The following MET variants were observed in gnomAD, a reference collection of about 807,000 sequenced individuals.
MET encodes the protein hepatocyte growth factor receptor.
MET carries 48 observed loss-of-function variants against 133.1 expected under a neutral mutation model. That is an observed-to-expected ratio of 0.36 (90% CI 0.29 to 0.46). The LOEUF (loss-of-function observed/expected upper bound fraction) is 0.46. Ranked by LOEUF, MET falls within the 20% of genes least tolerant of loss-of-function variation. The pLI, the probability that MET is intolerant of heterozygous loss-of-function variation, is 1.00. For synonymous variants in MET, 628 were observed against 616.5 expected (o/e 1.02, Z -0.28); for missense variants, 1,442 against 1,695.9 (o/e 0.85, Z 2.63).
intron 10 of MET, 110 bp from the exon 11 acceptor site, chr7:116,762,940 T>G: frequency 2.1e-6 from 2 of 953,076 alleles, no homozygotes; most frequent in Non-Finnish European, 3.3e-6. Context: ...AAATACAGAT[T>G]TTTTCAAAAA....
intron 11 of MET, among the ~76,000 whole-genome samples, chr7:116,766,326 G>A (rs1794626776): frequency 6.6e-6 from 1 of 152,156 alleles, no homozygotes; most frequent in Non-Finnish European, 1.5e-5. Flanking sequence ...GGTCAAACAG[G>A]AAAAAGAAGC....
intron 9 of MET, 84 bp from the exon 10 acceptor site, chr7:116,759,307 A>G (rs760953555): frequency 6.4e-7 from 1 of 1,558,240 alleles, no homozygotes; most frequent in Non-Finnish European, 8.7e-7. Flanking sequence ...TAATCAGTGC[A>G]GGTGATTAAA....
In MET at chr7:116,770,564, G is replaced by A. The variant is rs550630963; in HGVS notation, c.2730+773G>A. On this transcript the variant is annotated intron_variant, in intron 12 of 20. Transcript: ENST00000397752. ...CAAACAGATACTCTATAACCAATAA[G>A]CAGCAGCTCCACATACCCTTCTCTC... 8.5e-4 allele frequency among the ~76,000 whole-genome samples: 130 copies of A among 152,090 alleles called. 1 individual carries two copies. Among genetic ancestry groups the A allele is most frequent in the Non-Finnish European group, 8.5e-4 (58 of 67,976 alleles).
intron 2 of MET, among the ~76,000 whole-genome samples, chr7:116,722,264 T>C (rs1792522966): frequency 6.6e-6 from 1 of 150,764 alleles, no homozygotes; most frequent in East Asian, 1.9e-4. Flanking sequence ...TTGATCTTTG[T>C]TGGTTTAAAG....
rs753009009 is a variant in MET at position 116,740,095 on chromosome 7, C to T, written c.1527+11C>T. The T allele has an allele frequency of 1.9e-6, 3 of 1,613,882 alleles. No individual in the cohort carries two copies. The highest frequency in any genetic ancestry group is 1.7e-6 in the Non-Finnish European group (2 of 1,179,844). ...ATCACTGGGAAGAAGGTAAGCTGTT[C>T]CCACAGGGAATTTCCATAGACGTGG... On this transcript the variant is annotated intron_variant, in intron 4 of 20. Coordinates refer to ENST00000397752, the MANE Select transcript of MET (RefSeq NM_000245.4).
Position 116,699,717 on chromosome 7 carries a change from G to A in MET, c.633G>A (p.Leu211=), listed in dbSNP as rs552870344. Reference sequence around the variant, plus strand: ...CTTCTTATTTCCCAGATCATCCATTGCATTCGATATCAGTGAGAAGGCTAA... The same window carrying A: ...CTTCTTATTTCCCAGATCATCCATTACATTCGATATCAGTGAGAAGGCTAA... ...INSSYFPDHP[L]HSISVRRLKE... is the part of the protein sequence containing the mutation. The change falls in exon 2 of 21, where the codon TTG becomes TTA. Residue 211 remains leucine, a synonymous_variant. Coordinates refer to ENST00000397752, the MANE Select transcript of MET (RefSeq NM_000245.4). The A allele has an allele frequency of 2.2e-5, 35 of 1,614,028 alleles. No homozygotes were observed. The South Asian group carries it at 3.4e-4, about 16-fold the overall frequency.
chr7:116,701,128 A>G (rs951676513), intron 2 of MET, among the ~76,000 whole-genome samples: 9 of 152,180 alleles, frequency 5.9e-5, no homozygotes, highest in Admixed American at 6.5e-5. Flanking sequence ...AGTAACAGCT[A>G]CCAGCTATAC....
chr7:116,689,625 A>G (rs947700132), intron 1 of MET, among the ~76,000 whole-genome samples: 4 of 136,118 alleles, frequency 2.9e-5, no homozygotes, highest in South Asian at 4.6e-4. Flanking sequence ...CTGGAGTGCA[A>G]TGGTGTGATC....
chr7:116,688,228 C>T lies in MET; in HGVS notation c.-14-10843C>T, dbSNP rs1302558720. On this transcript the variant is annotated intron_variant, in intron 1 of 20. Coordinates refer to ENST00000397752, the MANE Select transcript of MET (RefSeq NM_000245.4). Reference sequence around the variant, plus strand: ...AATGCAACTGGCAAAGGTTGATTGCCTCTTTTTTTTTTTAATATATAGACT... The same window carrying T: ...AATGCAACTGGCAAAGGTTGATTGCTTCTTTTTTTTTTTAATATATAGACT... Among the ~76,000 whole-genome samples the T allele has an allele frequency of 2.0e-5, 3 of 151,808 alleles. No homozygotes were observed. The South Asian group carries it at 6.2e-4, about 32-fold the overall frequency.
chr7:116,774,058 T>C (rs1022304429), intron 14 of MET, among the ~76,000 whole-genome samples: 1 of 152,114 alleles, frequency 6.6e-6, no homozygotes. Context: ...CCTTGATATG[T>C]GTGAATTCCC....
intron 5 of MET, 34 bp from the exon 6 acceptor site, chr7:116,755,321 G>A (rs2116908071): frequency 6.2e-7 from 1 of 1,609,308 alleles, no homozygotes; most frequent in African/African-American, 1.3e-5. Context: ...ATAATATATT[G>A]GGTTTTTTTA....
chr7:116,785,195 C>T (rs1000206092), intron 19 of MET, among the ~76,000 whole-genome samples: 2 of 152,260 alleles, frequency 1.3e-5, no homozygotes, highest in Admixed American at 1.3e-4. Context: ...TGGCTGCTTT[C>T]ATCGGCTGGC....
intron 2 of MET, among the ~76,000 whole-genome samples, chr7:116,700,874 T>G (rs1478141567): frequency 6.6e-6 from 1 of 152,232 alleles, no homozygotes; most frequent in Non-Finnish European, 1.5e-5. Context: ...TATACTTCTC[T>G]AAATAACCTG....
rs201245213 is a variant in MET at position 116,778,894 on chromosome 7, G to T, written c.3459G>T (p.Pro1153=). ...LGICLRSEGS[P]LVVLPYMKHG... ...TCTGCCTGCGAAGTGAAGGGTCTCC[G>T]CTGGTGGTCCTACCATACATGAAAC... Residue 1153 remains proline (P), a synonymous_variant, in exon 17 of 21, where the codon CCG becomes CCT. Coordinates refer to ENST00000397752, the MANE Select transcript of MET (RefSeq NM_000245.4). 6.2e-7 allele frequency: 1 copy of T among 1,614,020 alleles called. No individual in the cohort carries two copies. Among genetic ancestry groups the T allele is most frequent in the South Asian group, 1.1e-5 (1 of 91,076 alleles).
intron 10 of MET, among the ~76,000 whole-genome samples, chr7:116,761,568 C>A (rs1794398617): frequency 6.6e-6 from 1 of 152,066 alleles, no homozygotes; most frequent in African/African-American, 2.4e-5. Context: ...CCTTTCAAAA[C>A]AAGAACAATC....
At chr7:116,756,292 A>C (rs189763247) in intron 6 of MET, among the ~76,000 whole-genome samples, 1 of 151,682 alleles carries the variant, frequency 6.6e-6, no homozygotes, top group Middle Eastern at 3.2e-3. Flanking sequence ...ATTCATTATC[A>C]CATAATAACA....
intron 1 of MET, among the ~76,000 whole-genome samples, chr7:116,698,467 A>G (rs1266680120): frequency 6.6e-6 from 1 of 152,210 alleles, no homozygotes; most frequent in African/African-American, 2.4e-5. Context: ...TAGGTTAACT[A>G]TAGCCAAATT....
At chr7:116,718,268 A>G (rs1189773940) in intron 2 of MET, among the ~76,000 whole-genome samples, 1 of 152,088 alleles carries the variant, frequency 6.6e-6, no homozygotes, top group African/African-American at 2.4e-5. Flanking sequence ...GGGCACCTGT[A>G]GTCTCAGCTA....
chr7:116,674,207 A>G (rs1796073500), intron 1 of MET, among the ~76,000 whole-genome samples: 1 of 152,228 alleles, frequency 6.6e-6, no homozygotes, highest in South Asian at 2.1e-4. Context: ...TGTATACTAC[A>G]TGCTTTCAAA....
Sources: gnomAD v4.1 joint callset for allele counts (sites outside exome capture counted in the v4.1 genomes callset) on GRCh38, gnomAD v4.1.1 for gene constraint, MANE v1.5 for transcripts, NCBI Gene and HGNC (gene_info 2026-07-23, HGNC 2026-07-21) for gene names.